CNOT1: variants seen among roughly 807,000 people sequenced by gnomAD.
CNOT1 encodes the protein CCR4-associated factor 1.
A neutral mutation model predicts 273.8 loss-of-function variants in CNOT1; 15 were observed. The ratio of observed to expected loss-of-function variants is 0.05; its 90% confidence interval spans 0.04 to 0.08. CNOT1 has a LOEUF of 0.08. Among genes scored for constraint, CNOT1 ranks in the 10% least tolerant of loss-of-function variants. The pLI is 1.00. For missense variants in CNOT1, 1,644 were observed against 2,912.2 expected (o/e 0.56, Z 10.02); for synonymous variants, 1,022 against 1,005.5 (o/e 1.02, Z -0.31).
At chr16:58,572,373 G>A (rs1187322718) in intron 16 of CNOT1, among the ~76,000 whole-genome samples, 7 of 152,166 alleles carry the variant, frequency 4.6e-5, no homozygotes, top group Non-Finnish European at 1.0e-4. Flanking sequence ...GCTCATGCCT[G>A]TAATCAATCG....
chr16:58,579,023 A>G (rs1308873706), intron 12 of CNOT1, 84 bp from the exon 13 acceptor site: 1 of 1,527,044 alleles, frequency 6.5e-7, no homozygotes, highest in African/African-American at 1.4e-5. Context: ...ACCAGCTTGT[A>G]AGCACAAAAC....
At position 58,555,396 on chromosome 16, in the gene CNOT1, G is replaced by C; in HGVS notation, c.2746C>G (p.Leu916Val). 1 of 1,614,148 alleles carries C rather than the reference G, an allele frequency of 6.2e-7. No homozygotes were observed. The highest frequency in any genetic ancestry group is 8.5e-7 in the Non-Finnish European group (1 of 1,180,026). Residue 916 changes from leucine (L) to valine (V), a missense_variant, in exon 21 of 49, where the codon CTA becomes GTA. Physicochemically the swap from Leu to Val is conservative, Grantham distance 32. This residue lies in a region of CNOT1 where 74 missense variants were observed against 184.6 expected (regional missense o/e 0.40). Transcript: ENST00000317147. Reference sequence around the variant, plus strand: ...CCTTTCTCAATTATACCACCAAATAGGCAGGCTGTTATATGTAACTCTTTA... The same window carrying C: ...CCTTTCTCAATTATACCACCAAATACGCAGGCTGTTATATGTAACTCTTTA... ...PDKELHITAC[L>V]FGGIIEKGLV...
rs2040595359 is a variant in CNOT1, at chr16:58,555,235, A to G, written c.2891+16T>C. 6.2e-7 allele frequency: 1 copy of G among 1,612,204 alleles called. No individual in the cohort carries two copies. The highest frequency in any genetic ancestry group is 1.3e-5 in the African/African-American group (1 of 74,812). ...GGTCAGGGAAGAGATCCTTCACAGGAAACCTATCCACTTACCTGTTTTTAA... is the reference window on the plus strand; with the variant it reads ...GGTCAGGGAAGAGATCCTTCACAGGGAACCTATCCACTTACCTGTTTTTAA... On this transcript the variant is annotated intron_variant, in intron 21 of 48. Transcript: ENST00000317147.
At position 58,525,297 on chromosome 16, in the gene CNOT1, G is replaced by A. The variant is rs1031826839; in HGVS notation, c.6666C>T (p.Val2222=). Residue 2222 remains valine, a synonymous_variant, in exon 46 of 49, where the codon GTC becomes GTT. Coordinates refer to ENST00000317147, the MANE Select transcript of CNOT1 (RefSeq NM_016284.5). ...LQLINALVLY[V]GTQAIAHIHN... is the part of the protein sequence containing the mutation. ...GGATGTGCGCAATGGCCTGAGTCCC[G>A]ACATAGAGCACCAGTGCATTGATGA... 6 of 1,613,754 alleles carry A rather than the reference G, an allele frequency of 3.7e-6. No individual in the cohort carries two copies. Among genetic ancestry groups the A allele is most frequent in the South Asian group, 2.2e-5 (2 of 91,062 alleles).
intron 14 of CNOT1, among the ~76,000 whole-genome samples, chr16:58,575,850 GA>G (rs2041442627): frequency 6.6e-6 from 1 of 152,004 alleles, no homozygotes; most frequent in African/African-American, 2.4e-5. Flanking sequence ...GATTCTCACA[GA>G]GTTGCTTAAG....
Position 58,520,837 on chromosome 16 carries a change from G to C in CNOT1, c.*121C>G. Reference sequence around the variant, plus strand: ...GCTGATCCCAACAGTAGTTGGGGCAGATACCCACAAACCAAAGGGCTGGGA... The same window carrying C: ...GCTGATCCCAACAGTAGTTGGGGCACATACCCACAAACCAAAGGGCTGGGA... On this transcript the variant is annotated 3_prime_UTR_variant, in exon 49 of 49. Transcript: ENST00000317147. 1.0e-6 allele frequency: 1 copy of C among 995,092 alleles called. No homozygotes were observed. Among genetic ancestry groups the C allele is most frequent in the Non-Finnish European group, 1.5e-6 (1 of 648,380 alleles). 61.6% of individuals were successfully genotyped at this position (995,092 alleles called of 1,614,324 possible).
At chr16:58,525,684 A>G (rs1415119145) in intron 45 of CNOT1, among the ~76,000 whole-genome samples, 4 of 152,254 alleles carry the variant, frequency 2.6e-5, no homozygotes, top group South Asian at 2.1e-4. Flanking sequence ...CTGTAAATAT[A>G]TAACTTTCCA....
At chr16:58,585,281 A>C (rs1260113178) in intron 8 of CNOT1, 57 bp downstream of exon 8, 1 of 1,595,908 alleles carries the variant, frequency 6.3e-7, no homozygotes, top group African/African-American at 1.4e-5. Context: ...TTTTTTAAAG[A>C]ATTACATCAT....
chr16:58,628,088 T>G (rs935289958), intron 1 of CNOT1, among the ~76,000 whole-genome samples: 5 of 152,084 alleles, frequency 3.3e-5, no homozygotes, highest in African/African-American at 9.7e-5. Flanking sequence ...TTGGCCTCCC[T>G]AAGTGCTGGG....
At chr16:58,596,452 G>A (rs945214088) in intron 2 of CNOT1, among the ~76,000 whole-genome samples, 2 of 152,156 alleles carry the variant, frequency 1.3e-5, no homozygotes, top group Admixed American at 6.6e-5. Flanking sequence ...TAACAGAAGT[G>A]TGTGGAATTG....
At chr16:58,524,959 C>T (rs568788934) in intron 46 of CNOT1, among the ~76,000 whole-genome samples, 1 of 152,338 alleles carries the variant, frequency 6.6e-6, no homozygotes, top group East Asian at 1.9e-4. Context: ...ACTGATACTG[C>T]ACGATTCTGG....
chr16:58,552,172 G>A (rs1368044187), intron 22 of CNOT1, among the ~76,000 whole-genome samples: 1 of 151,156 alleles, frequency 6.6e-6, no homozygotes, highest in African/African-American at 2.4e-5. Context: ...GAAACCAAAG[G>A]CCTTAAAAAA....
chr16:58,579,041 G>A, intron 12 of CNOT1, 102 bp from the exon 13 acceptor site: 1 of 1,489,670 alleles, frequency 6.7e-7, no homozygotes, highest in Non-Finnish European at 8.9e-7. Context: ...AACCAAGTTG[G>A]TGTCATGTTT....
chr16:58,617,233 C>T (rs2043123253), intron 1 of CNOT1, among the ~76,000 whole-genome samples: 1 of 152,082 alleles, frequency 6.6e-6, no homozygotes, highest in Admixed American at 6.6e-5. Context: ...TGGTGGCATG[C>T]ACCTGTAGCC....
chr16:58,546,611 TG>T, intron 28 of CNOT1, 60 bp downstream of exon 28: 2 of 1,612,510 alleles, frequency 1.2e-6, no homozygotes, highest in Non-Finnish European at 8.5e-7. Flanking sequence ...CTGCCTTCAC[TG>T]TAAGTTTTAA....
chr16:58,571,284 G>A (rs569636968), intron 16 of CNOT1, among the ~76,000 whole-genome samples: 2 of 152,070 alleles, frequency 1.3e-5, no homozygotes, highest in East Asian at 1.9e-4. Flanking sequence ...GGCCGGGCAC[G>A]GTGGCTCATG....
intron 2 of CNOT1, among the ~76,000 whole-genome samples, chr16:58,589,695 TTCTC>T (rs1207079183): frequency 6.6e-6 from 1 of 152,100 alleles, no homozygotes; most frequent in African/African-American, 2.4e-5. Flanking sequence ...GTAACTCAAA[TTCTC>T]TCTGCTAACA....
At chr16:58,544,656 C>T (rs772206294) in intron 30 of CNOT1, among the ~76,000 whole-genome samples, 5 of 151,948 alleles carry the variant, frequency 3.3e-5, no homozygotes, top group African/African-American at 4.8e-5. Flanking sequence ...ATAAAAAGTT[C>T]AATGTATTAA....
chr16:58,569,304 G>A (rs1043124054), intron 16 of CNOT1, among the ~76,000 whole-genome samples: 2 of 152,012 alleles, frequency 1.3e-5, no homozygotes, highest in Non-Finnish European at 2.9e-5. Flanking sequence ...TGCATTTTTA[G>A]TGGATACGGA....
Sources: allele counts gnomAD v4.1 joint callset (sites outside exome capture counted in the v4.1 genomes callset), GRCh38; gene constraint gnomAD v4.1.1; regional missense constraint gnomAD v4.1.1; transcripts MANE v1.5; gene names NCBI Gene and HGNC (gene_info 2026-07-23, HGNC 2026-07-21).